Variants in ANK2 observed in about 807,000 individuals in gnomAD.
The protein encoded by ANK2 is ankyrin 2.
A neutral mutation model predicts 360.5 loss-of-function variants in ANK2; 83 were observed. That is an observed-to-expected ratio of 0.23 (90% confidence interval 0.19 to 0.28). The LOEUF (loss-of-function observed/expected upper bound fraction) is 0.28, where lower values mean the gene tolerates loss of function less well. ANK2 is among the 10% of genes least tolerant of loss of function. The pLI, the probability that ANK2 is intolerant of heterozygous loss-of-function variation, is 1.00. For missense variants in ANK2, 4,201 were observed against 4,795.7 expected (o/e 0.88, Z 3.66); for synonymous variants, 1,740 against 1,759.5 (o/e 0.99, Z 0.28).
rs548050000 is a variant in ANK2, at chr4:113,317,611, C to T, written c.2694-96C>T. 3.5e-5 allele frequency: 32 copies of T among 913,496 alleles called. No homozygotes were observed. In the South Asian group the frequency reaches 4.0e-4, roughly 11 times the overall value. 56.6% of individuals were successfully genotyped at this position (913,496 alleles called of 1,614,324 possible). ...TGGAAGTTGTGCTGTTAGCTAATAG[C>T]ACGCTTTTTTCACTCTCCTGCTCGG... On this transcript the variant is annotated intron_variant, in intron 24 of 45. Transcript: ENST00000357077.
chr4:112,903,264 A>C lies in ANK2; in HGVS notation c.-39-1191A>C, dbSNP rs148484608. 2.2e-4 allele frequency among the ~76,000 whole-genome samples: 34 copies of C among 152,328 alleles called. No individual in the cohort carries two copies. The East Asian group carries it at 6.6e-3, about 29-fold the overall frequency. On this transcript the variant is annotated intron_variant, in intron 1 of 30. Coordinates refer to the ANK2 transcript ENST00000503271. Reference sequence around the variant, plus strand: ...GGTCTAGGAACCACTGGTATAAGGCAGTGATTCTTGCCATATTTTCCTATG... The same window carrying C: ...GGTCTAGGAACCACTGGTATAAGGCCGTGATTCTTGCCATATTTTCCTATG...
At chr4:112,869,195 T>C (rs1218268236) in intron 1 of ANK2, among the ~76,000 whole-genome samples, 4 of 152,238 alleles carry the variant, frequency 2.6e-5, no homozygotes, top group Non-Finnish European at 5.9e-5. Flanking sequence ...CTCAAACTCC[T>C]GGCCCTAAGT....
intron 1 of ANK2, among the ~76,000 whole-genome samples, chr4:113,097,836 A>G (rs374707893): frequency 0.64 from 68,704 of 107,544 alleles, 18,762 homozygotes; most frequent in African/African-American, 0.76. Context: ...CCTCTTGTAT[A>G]TATATGTGTG....
intron 2 of ANK2, among the ~76,000 whole-genome samples, chr4:112,961,449 G>A (rs1185610910): frequency 6.6e-6 from 1 of 152,032 alleles, no homozygotes; most frequent in African/African-American, 2.4e-5. Flanking sequence ...TAAAGATTCT[G>A]AATATAGGAC....
chr4:113,373,357 A>C lies in ANK2; in HGVS notation c.11767A>C (p.Met3923Leu), dbSNP rs139125335. Residue 3923 changes from methionine to leucine, a missense_variant, in exon 45 of 46, where the codon ATG (methionine) becomes CTG (leucine). Coordinates refer to ENST00000357077, the MANE Select transcript of ANK2 (RefSeq NM_001148.6). ...TEKEEIMVQG[M>L]PQEPVNIEEG... is the part of the protein sequence containing the mutation. Reference sequence around the variant, plus strand: ...GAAAGAAGAGATTATGGTGCAGGGAATGCCACAGGAACCTGTCAACATCGA... The same window carrying C: ...GAAAGAAGAGATTATGGTGCAGGGACTGCCACAGGAACCTGTCAACATCGA... 1 of 1,614,178 alleles carries C rather than the reference A, an allele frequency of 6.2e-7. No homozygotes were observed. The highest frequency in any genetic ancestry group is 1.3e-5 in the African/African-American group (1 of 75,056).
chr4:112,839,380 T>C (rs1304882073), intron 1 of ANK2, among the ~76,000 whole-genome samples: 3 of 152,142 alleles, frequency 2.0e-5, no homozygotes, highest in Non-Finnish European at 4.4e-5. Flanking sequence ...TGAAATCTGC[T>C]GATGGAGCAT....
At chr4:112,773,590 C>G in the ANK2 span, among the ~76,000 whole-genome samples, 1 of 152,098 alleles carries the variant, frequency 6.6e-6, no homozygotes, top group Non-Finnish European at 1.5e-5. Flanking sequence ...AAAATCTCCC[C>G]CATTAATTAT....
chr4:112,969,796 T>C (rs2038780301), intron 2 of ANK2, among the ~76,000 whole-genome samples: 1 of 152,222 alleles, frequency 6.6e-6, no homozygotes, highest in Admixed American at 6.5e-5. Context: ...TATTCAGCAA[T>C]CTCCTTTTAT....
At chr4:112,871,978 C>A (rs1213327475) in intron 1 of ANK2, among the ~76,000 whole-genome samples, 1 of 150,828 alleles carries the variant, frequency 6.6e-6, no homozygotes, top group African/African-American at 2.4e-5. Flanking sequence ...TTTATATGTA[C>A]TACTGGATTT....
intron 2 of ANK2, among the ~76,000 whole-genome samples, chr4:113,022,344 T>C (rs751976026): frequency 1.3e-5 from 2 of 152,218 alleles, no homozygotes; most frequent in Non-Finnish European, 2.9e-5. Flanking sequence ...TGGGCATTAC[T>C]TATCTACATC....
chr4:113,001,865 C>T (rs149662127), intron 2 of ANK2, among the ~76,000 whole-genome samples: 17 of 152,286 alleles, frequency 1.1e-4, no homozygotes, highest in African/African-American at 3.9e-4. Context: ...TCCAGATGTG[C>T]ATTTCCATGT....
the ANK2 span, among the ~76,000 whole-genome samples, chr4:112,760,249 C>T: frequency 6.7e-6 from 1 of 149,994 alleles, no homozygotes; most frequent in Non-Finnish European, 1.5e-5. Flanking sequence ...TTCAGTGGCG[C>T]GATATCGGCT....
At chr4:113,333,274 C>T in intron 29 of ANK2, 66 bp downstream of exon 29, 1 of 1,577,816 alleles carries the variant, frequency 6.3e-7, no homozygotes, top group South Asian at 1.1e-5. Context: ...TCATTTCTTT[C>T]TTATGACCTA....
intron 2 of ANK2, among the ~76,000 whole-genome samples, chr4:112,924,369 GAA>G (rs1246498426): frequency 1.7e-5 from 2 of 120,212 alleles, no homozygotes; most frequent in Non-Finnish European, 3.6e-5. Context: ...CTTCATCTCA[GAA>G]AAAAAAAAAA....
intron 6 of ANK2, 33 bp from the exon 7 acceptor site, chr4:113,237,566 C>T: frequency 1.9e-6 from 3 of 1,594,186 alleles, no homozygotes; most frequent in Middle Eastern, 1.7e-4. Flanking sequence ...TGTGTAATAT[C>T]TTCCCTCTTT....
intron 1 of ANK2, among the ~76,000 whole-genome samples, chr4:113,133,102 G>T (rs1004634381): frequency 7.2e-5 from 11 of 152,142 alleles, no homozygotes; most frequent in African/African-American, 2.7e-4. Flanking sequence ...CGTAATTATT[G>T]GTTGTTTCTA....
chr4:112,939,068 C>T (rs1436285171), intron 2 of ANK2, among the ~76,000 whole-genome samples: 2 of 151,810 alleles, frequency 1.3e-5, no homozygotes, highest in East Asian at 1.9e-4. Flanking sequence ...CTTTTTTGTG[C>T]GTTATAGTTT....
At chr4:112,993,515 C>T (rs531394747) in intron 2 of ANK2, among the ~76,000 whole-genome samples, 2 of 151,920 alleles carry the variant, frequency 1.3e-5, no homozygotes, top group Non-Finnish European at 2.9e-5. Flanking sequence ...ACCATTGTGG[C>T]CAGGCTGGTC....
chr4:112,718,350 T>C, the ANK2 span, among the ~76,000 whole-genome samples: 1 of 152,260 alleles, frequency 6.6e-6, no homozygotes, highest in Non-Finnish European at 1.5e-5. Flanking sequence ...AGTCTTGCTC[T>C]GTTGCCCAAG....
Sources: gnomAD v4.1 joint callset for allele counts (sites outside exome capture counted in the v4.1 genomes callset) on GRCh38, gnomAD v4.1.1 for gene constraint, MANE v1.5 for transcripts, NCBI Gene and HGNC (gene_info 2026-07-23, HGNC 2026-07-21) for gene names.